FAM184B: variants seen among roughly 807,000 people sequenced by gnomAD.
The protein encoded by FAM184B is protein FAM184B.
In FAM184B, 111 loss-of-function variants were observed where a neutral mutation model predicts 135.9. The ratio of observed to expected loss-of-function variants is 0.82; its 90% CI spans 0.70 to 0.96. FAM184B has a LOEUF of 0.96. Ranked by LOEUF, FAM184B falls within the 40% of genes least tolerant of loss-of-function variation. The pLI is 0.00. For missense variants in FAM184B, 1,375 were observed against 1,323.9 expected (o/e 1.04, Z -0.60); for synonymous variants, 552 against 524.8 (o/e 1.05, Z -0.71).
At chr4:17,667,554 C>A (rs2108946188) in intron 7 of FAM184B, among the ~76,000 whole-genome samples, 1 of 152,334 alleles carries the variant, frequency 6.6e-6, no homozygotes, top group South Asian at 2.1e-4. Flanking sequence ...CCAGGAGGAC[C>A]TGTCCTGGGG....
chr4:17,746,725 C>A (rs62412703), intron 1 of FAM184B, among the ~76,000 whole-genome samples: 14 of 140,866 alleles, frequency 9.9e-5, no homozygotes, highest in African/African-American at 3.0e-4. Flanking sequence ...GAGCGAGACA[C>A]GGTCTCAAAA....
In FAM184B at chr4:17,639,391, A is replaced by G; in HGVS notation, c.2525T>C (p.Leu842Pro). The change falls in exon 14 of 18, where the codon CTG (leucine) becomes CCG (proline). Residue 842 changes from leucine to proline, a missense_variant. Coordinates refer to ENST00000265018, the MANE Select transcript of FAM184B (RefSeq NM_015688.2). Reference protein sequence around the residue: ...AQKLRDQRRFLEETQQAQRAR... With the variant: ...AQKLRDQRRFPEETQQAQRAR... ...CCGCTGGGCTTGCTGAGTCTCCTCCAGGAACCTGTGGTGGATGAAAGCACA... is the reference window on the plus strand; with the variant it reads ...CCGCTGGGCTTGCTGAGTCTCCTCCGGGAACCTGTGGTGGATGAAAGCACA... The G allele has an allele frequency of 1.3e-6, 2 of 1,551,598 alleles. No homozygotes were observed. The highest frequency in any genetic ancestry group is 2.4e-5 in the East Asian group (1 of 40,912).
intron 12 of FAM184B, 39 bp from the exon 13 acceptor site, chr4:17,642,267 C>A: frequency 7.0e-7 from 1 of 1,432,322 alleles, no homozygotes; most frequent in Admixed American, 2.8e-5. Flanking sequence ...TCAGGAGGCG[C>A]AGGGGCAGAC....
chr4:17,781,033 G>C lies in FAM184B; in HGVS notation c.141+126C>G. 8.2e-7 allele frequency: 1 copy of C among 1,222,026 alleles called. No homozygotes were observed. Among genetic ancestry groups the C allele is most frequent in the Non-Finnish European group, 1.1e-6 (1 of 908,212 alleles). 75.7% of individuals were successfully genotyped at this position (1,222,026 alleles called of 1,614,324 possible). A position where few individuals can be genotyped will look rare whatever the true frequency, so the allele number is the denominator to read the frequency against. ...CAGATTTAGGACCGCTTCCCTTCCC[G>C]GTTGGCCTCCGAGACAAAGTTTCTG... On this transcript the variant is annotated intron_variant, in intron 1 of 17. Coordinates refer to ENST00000265018, the MANE Select transcript of FAM184B (RefSeq NM_015688.2). The surrounding 1 kb of genome is among the most constrained non-coding windows in gnomAD (Gnocchi z 6.5).
intron 6 of FAM184B, among the ~76,000 whole-genome samples, chr4:17,689,244 G>A (rs1336264625): frequency 6.6e-6 from 1 of 152,112 alleles, no homozygotes; most frequent in East Asian, 1.9e-4. Flanking sequence ...AGAGTGGTTG[G>A]GGGTGCTCTA....
chr4:17,709,387 C>A lies in FAM184B; in HGVS notation c.399G>T (p.Glu133Asp). The change falls in exon 2 of 18, where the codon GAG (glutamate) becomes GAT (aspartate). Residue 133 changes from glutamate (E) to aspartate (D), a missense_variant. Coordinates refer to ENST00000265018, the MANE Select transcript of FAM184B (RefSeq NM_015688.2). ...ASCRLETKERELRVEAEHAER... is the reference protein window; with the variant it reads ...ASCRLETKERDLRVEAEHAER... The stretch of plus-strand genomic sequence containing the variant: ...CGGCGTGCTCTGCCTCCACCCTCAG[C>A]TCTCTCTCCTTCGTCTCCAGCCTGC... 6.5e-7 allele frequency: 1 copy of A among 1,526,934 alleles called. No homozygotes were observed. The highest frequency in any genetic ancestry group is 1.7e-4 in the Middle Eastern group (1 of 5,886). 94.6% of individuals were successfully genotyped at this position (1,526,934 alleles called of 1,614,324 possible).
At chr4:17,642,025 G>C (rs2108930768) in intron 13 of FAM184B, 31 bp downstream of exon 13, 1 of 1,506,524 alleles carries the variant, frequency 6.6e-7, no homozygotes, top group South Asian at 1.2e-5. Context: ...GGTGAGGGTG[G>C]CGCGGTGGCG....
chr4:17,643,903 A>G (rs1466586034), intron 12 of FAM184B, among the ~76,000 whole-genome samples: 1 of 152,192 alleles, frequency 6.6e-6, no homozygotes, highest in Non-Finnish European at 1.5e-5. Flanking sequence ...CTAGGCAACA[A>G]GGACATCTAT....
rs377234908 is a variant in FAM184B at position 17,666,179 on chromosome 4, C to G, written c.1597-1520G>C. 5.3e-5 allele frequency among the ~76,000 whole-genome samples: 8 copies of G among 152,100 alleles called. No homozygotes were observed. In the South Asian group the frequency reaches 1.2e-3, roughly 24 times the overall value. On this transcript the variant is annotated intron_variant, in intron 7 of 17. Coordinates refer to ENST00000265018, the MANE Select transcript of FAM184B (RefSeq NM_015688.2). Reference sequence around the variant, plus strand: ...AAATGCCAGATCTTTTACTTATTAACGATGTGACCTTGGGAAAATTACTTA... The same window carrying G: ...AAATGCCAGATCTTTTACTTATTAAGGATGTGACCTTGGGAAAATTACTTA...
intron 6 of FAM184B, among the ~76,000 whole-genome samples, chr4:17,691,896 T>C (rs963984677): frequency 3.4e-5 from 5 of 148,658 alleles, no homozygotes; most frequent in African/African-American, 1.2e-4. Context: ...CCACCAAAAA[T>C]ACAAAAATTA....
intron 1 of FAM184B, among the ~76,000 whole-genome samples, chr4:17,777,008 A>T (rs1718940936): frequency 6.6e-6 from 1 of 152,234 alleles, no homozygotes; most frequent in African/African-American, 2.4e-5. Context: ...CAACTTAAGA[A>T]TTCTGCTCCT....
chr4:17,739,083 C>T (rs1174950933), intron 1 of FAM184B, among the ~76,000 whole-genome samples: 1 of 152,220 alleles, frequency 6.6e-6, no homozygotes, highest in Non-Finnish European at 1.5e-5. Flanking sequence ...AATTAACACA[C>T]CCTGTGCCTG....
intron 10 of FAM184B, among the ~76,000 whole-genome samples, chr4:17,657,057 A>C (rs1290183817): frequency 1.3e-5 from 2 of 152,152 alleles, no homozygotes; most frequent in Non-Finnish European, 2.9e-5. Context: ...TATTTTCCTT[A>C]TTGAGAATAT....
rs1395062320 is a variant in FAM184B, at chr4:17,635,505, G to A, written c.2785-392C>T. ...CCTAACATATACAAACATAGGGAGA[G>A]TAATGAAATCCATCCCCACTTTACC... is the stretch of plus-strand genomic sequence containing the variant. On this transcript the variant is annotated intron_variant, in intron 15 of 17. Coordinates refer to ENST00000265018, the MANE Select transcript of FAM184B (RefSeq NM_015688.2). 2.6e-5 allele frequency among the ~76,000 whole-genome samples: 4 copies of A among 152,092 alleles called. No individual in the cohort carries two copies. The East Asian group carries it at 7.7e-4, about 29-fold the overall frequency.
At chr4:17,727,568 G>C (rs747222237) in intron 1 of FAM184B, among the ~76,000 whole-genome samples, 26 of 152,214 alleles carry the variant, frequency 1.7e-4, no homozygotes, top group Non-Finnish European at 2.9e-4. Flanking sequence ...TGAAGGGAAA[G>C]CAGGCAACTT....
intron 1 of FAM184B, among the ~76,000 whole-genome samples, chr4:17,713,947 A>G (rs1717348044): frequency 6.6e-6 from 1 of 152,196 alleles, no homozygotes; most frequent in African/African-American, 2.4e-5. Flanking sequence ...ATTTGTCACC[A>G]GTTACTATGG....
Position 17,632,163 on chromosome 4 carries a change from C to T in FAM184B, c.*369G>A, listed in dbSNP as rs1019253728. ...GAACTTGGCTCACTGCAACCTCTGC[C>T]TCCTAGGTTCAAGTGATCCTCCCGC... On this transcript the variant is annotated 3_prime_UTR_variant, in exon 18 of 18. Coordinates refer to ENST00000265018, the MANE Select transcript of FAM184B (RefSeq NM_015688.2). 6.8e-6 allele frequency: 1 copy of T among 146,226 alleles called. No homozygotes were observed. Among genetic ancestry groups the T allele is most frequent in the Admixed American group, 7.1e-5 (1 of 14,066 alleles). 9.1% of individuals were successfully genotyped at this position (146,226 alleles called of 1,614,324 possible).
At chr4:17,634,040 C>T in intron 16 of FAM184B, 152 bp from the exon 17 acceptor site, 1 of 523,452 alleles carries the variant, frequency 1.9e-6, no homozygotes, top group Non-Finnish European at 3.1e-6. Context: ...TTTTAAAGCA[C>T]TTTTCCCTCC....
chr4:17,755,911 G>T (rs188773817), intron 1 of FAM184B, among the ~76,000 whole-genome samples: 1 of 152,330 alleles, frequency 6.6e-6, no homozygotes, highest in African/African-American at 2.4e-5. Flanking sequence ...CTGTTGAGGG[G>T]AGTGGAGAAG....
Sources: allele counts gnomAD v4.1 joint callset (sites outside exome capture counted in the v4.1 genomes callset), GRCh38; gene constraint gnomAD v4.1.1; non-coding constraint Gnocchi (gnomAD v3.1); transcripts MANE v1.5; gene names NCBI Gene and HGNC (gene_info 2026-07-23, HGNC 2026-07-21).